Variants in MALRD1 observed in about 807,000 individuals in gnomAD.
MALRD1 encodes MAM and LDL receptor class A domain containing 1, also known as MAM and LDL-receptor class A domain-containing protein 1.
Under a neutral mutation model 242.1 loss-of-function variants are expected in MALRD1, and 247 were observed. That is an observed-to-expected ratio of 1.02 (90% CI 0.92 to 1.13). MALRD1 has a LOEUF of 1.13. MALRD1 is among the 50% of genes most tolerant of loss of function. MALRD1 has a pLI of 0.00. For missense variants in MALRD1, 2,989 were observed against 2,533.1 expected, an observed-to-expected ratio of 1.18 and a Z score of -3.86; for synonymous variants, 995 against 866.6, an observed-to-expected ratio of 1.15 and a Z score of -2.60.
chr10:19,479,079 C>G (rs757245812), intron 29 of MALRD1, among the ~76,000 whole-genome samples: 1 of 152,166 alleles, frequency 6.6e-6, no homozygotes, highest in Non-Finnish European at 1.5e-5. Context: ...AATTTAAACA[C>G]AGTTCCATGA....
At chr10:19,237,745 A>C (rs1399463484) in intron 18 of MALRD1, among the ~76,000 whole-genome samples, 1 of 116,692 alleles carries the variant, frequency 8.6e-6, no homozygotes, top group Non-Finnish European at 1.7e-5. Flanking sequence ...TATATAATTT[A>C]TATATAAAAC....
chr10:19,714,255 C>T (rs1028577426), intron 38 of MALRD1, among the ~76,000 whole-genome samples: 18 of 152,190 alleles, frequency 1.2e-4, no homozygotes, highest in Admixed American at 2.6e-4. Context: ...TCTCAGAAGA[C>T]GGGGGAGCCA....
rs191547308 is a variant in MALRD1 at position 19,267,054 on chromosome 10, G to A, written c.3079+9283G>A. On this transcript the variant is annotated intron_variant, in intron 19 of 39. Coordinates refer to ENST00000454679, the MANE Select transcript of MALRD1 (RefSeq NM_001142308.3). ...TTCTTCAGCTGAACATATATGACAGGAATTTTCTTTCTTGCACCAAGGATT... is the reference window on the plus strand; with the variant it reads ...TTCTTCAGCTGAACATATATGACAGAAATTTTCTTTCTTGCACCAAGGATT... 6.6e-5 allele frequency among the ~76,000 whole-genome samples: 10 copies of A among 152,076 alleles called. No homozygotes were observed. In the East Asian group the frequency reaches 1.9e-3, roughly 29 times the overall value.
chr10:19,199,353 G>A (rs768253725), intron 14 of MALRD1, among the ~76,000 whole-genome samples: 2 of 152,120 alleles, frequency 1.3e-5, no homozygotes, highest in Non-Finnish European at 2.9e-5. Context: ...TTTAAAAATT[G>A]TTACAATTAT....
chr10:19,176,869 CAT>C (rs1491545872), intron 14 of MALRD1, among the ~76,000 whole-genome samples: 9 of 130,584 alleles, frequency 6.9e-5, no homozygotes, highest in South Asian at 2.3e-4. Context: ...TGCATGTGTG[CAT>C]GTGTGTGTGT....
chr10:19,442,114 T>G (rs866312712), intron 28 of MALRD1, among the ~76,000 whole-genome samples: 20 of 152,206 alleles, frequency 1.3e-4, no homozygotes, highest in Non-Finnish European at 2.1e-4. Context: ...GGGAGTTCAC[T>G]CATGATTTGG....
At chr10:19,541,437 A>G (rs1834964038) in intron 32 of MALRD1, among the ~76,000 whole-genome samples, 1 of 152,194 alleles carries the variant, frequency 6.6e-6, no homozygotes, top group African/African-American at 2.4e-5. Context: ...ATGAAAAGTA[A>G]TATTCTAGGG....
intron 26 of MALRD1, among the ~76,000 whole-genome samples, chr10:19,369,826 A>G (rs1189726060): frequency 2.6e-5 from 4 of 151,828 alleles, no homozygotes; most frequent in African/African-American, 4.8e-5. Context: ...ATCATTATAT[A>G]TATTACTGAT....
At chr10:19,499,087 G>A (rs1837850305) in intron 31 of MALRD1, among the ~76,000 whole-genome samples, 1 of 152,156 alleles carries the variant, frequency 6.6e-6, no homozygotes, top group East Asian at 1.9e-4. Context: ...GAGCCAAAGT[G>A]TAAAATGGTA....
At chr10:19,242,834 T>C (rs1310473808) in intron 18 of MALRD1, among the ~76,000 whole-genome samples, 1 of 152,098 alleles carries the variant, frequency 6.6e-6, no homozygotes, top group East Asian at 1.9e-4. Flanking sequence ...GAGGTAAGTA[T>C]CATGTAGGCA....
intron 26 of MALRD1, among the ~76,000 whole-genome samples, chr10:19,371,697 AT>A (rs1413479433): frequency 6.6e-6 from 1 of 152,080 alleles, no homozygotes; most frequent in Non-Finnish European, 1.5e-5. Context: ...TTGTTCTATA[AT>A]TGTCTTTTTA....
intron 34 of MALRD1, among the ~76,000 whole-genome samples, chr10:19,599,626 T>C (rs1838259232): frequency 6.6e-6 from 1 of 152,156 alleles, no homozygotes; most frequent in South Asian, 2.1e-4. Flanking sequence ...TAGTTATTGA[T>C]ATCGCATAGG....
At chr10:19,695,191 G>A (rs558251033) in intron 38 of MALRD1, among the ~76,000 whole-genome samples, 3 of 152,226 alleles carry the variant, frequency 2.0e-5, no homozygotes, top group Non-Finnish European at 4.4e-5. Context: ...TGCACGTCAT[G>A]CACATGTACC....
chr10:19,592,442 C>A (rs1266024745), intron 33 of MALRD1, among the ~76,000 whole-genome samples: 1 of 152,206 alleles, frequency 6.6e-6, no homozygotes, highest in Non-Finnish European at 1.5e-5. Context: ...GGAGGTGTAA[C>A]TCTGGAGGGC....
At chr10:19,454,429 T>TATATATATATATATAA (rs1835519216) in intron 29 of MALRD1, among the ~76,000 whole-genome samples, 1 of 141,236 alleles carries the variant, frequency 7.1e-6, no homozygotes, top group Non-Finnish European at 1.5e-5. Context: ...TATATATATA[T>TATATATATATATATAA]ATAATTATAT....
At chr10:19,692,189 T>C in intron 36 of MALRD1, 93 bp from the exon 37 acceptor site, 1 of 976,620 alleles carries the variant, frequency 1.0e-6, no homozygotes, top group Non-Finnish European at 1.5e-6. Context: ...TCTCGTTATT[T>C]ATTGACATTC....
rs543958211 is a variant in MALRD1, at chr10:19,654,882, A to C, written c.6138-37400A>C. Among the ~76,000 whole-genome samples, 3 of 152,332 alleles carry C rather than the reference A, an allele frequency of 2.0e-5. No individual in the cohort carries two copies. The South Asian group carries it at 6.2e-4, about 32-fold the overall frequency. On this transcript the variant is annotated intron_variant, in intron 36 of 39. Transcript: ENST00000454679. The stretch of plus-strand genomic sequence containing the variant: ...CGCTTACATATTTATGGACTGTTTC[A>C]GCTTCCTACCCCACCTGCTGCATAA...
intron 36 of MALRD1, among the ~76,000 whole-genome samples, chr10:19,675,764 G>A (rs990635857): frequency 2.6e-5 from 4 of 152,202 alleles, no homozygotes; most frequent in South Asian, 4.1e-4. Context: ...GGACAAGCTT[G>A]TGCTAATTGC....
intron 28 of MALRD1, among the ~76,000 whole-genome samples, chr10:19,396,012 A>C (rs1227428742): frequency 6.6e-6 from 1 of 152,194 alleles, no homozygotes; most frequent in Non-Finnish European, 1.5e-5. Context: ...TCGGCTCTAA[A>C]GAATGACATT....
Sources: gnomAD v4.1 joint callset for allele counts (sites outside exome capture counted in the v4.1 genomes callset) on GRCh38, gnomAD v4.1.1 for gene constraint, MANE v1.5 for transcripts, NCBI Gene and HGNC (gene_info 2026-07-23, HGNC 2026-07-21) for gene names.